The following CCDC62 variants were observed in gnomAD, a reference collection of about 807,000 sequenced individuals.
CCDC62 encodes the protein coiled-coil domain containing 62.
A neutral mutation model predicts 80.8 loss-of-function variants in CCDC62; 72 were observed. The ratio of observed to expected loss-of-function variants is 0.89; its 90% CI spans 0.74 to 1.08. The LOEUF (loss-of-function observed/expected upper bound fraction) is 1.08. CCDC62 is among the 50% of genes least tolerant of loss of function. The pLI is 0.00. For synonymous variants in CCDC62, 286 were observed against 296.5 expected, an observed-to-expected ratio of 0.96 and a Z score of 0.36; for missense variants, 704 against 809.4, an observed-to-expected ratio of 0.87 and a Z score of 1.58.
At chr12:122,799,462 G>T (rs2031162756) in intron 8 of CCDC62, among the ~76,000 whole-genome samples, 1 of 152,176 alleles carries the variant, frequency 6.6e-6, no homozygotes, top group Non-Finnish European at 1.5e-5. Flanking sequence ...TCCACCGAGG[G>T]TGATCTGTGC....
intron 11 of CCDC62, among the ~76,000 whole-genome samples, chr12:122,819,748 T>C (rs2032320613): frequency 6.6e-6 from 1 of 152,086 alleles, no homozygotes; most frequent in African/African-American, 2.4e-5. Context: ...AAGGTTCATA[T>C]GGCATTCCAC....
chr12:122,777,753 A>G lies in CCDC62; in HGVS notation c.229+70A>G. 3.5e-6 allele frequency: 5 copies of G among 1,425,388 alleles called. No homozygotes were observed. In the South Asian group the frequency reaches 4.9e-5, roughly 14 times the overall value. 88.3% of individuals were successfully genotyped at this position (1,425,388 alleles called of 1,614,324 possible). ...TAACACATTGATGGGCTCATAGGGA[A>G]GATAGAGAGGAAGTAAAGACTGCAA... On this transcript the variant is annotated intron_variant, in intron 2 of 12. Coordinates refer to ENST00000253079, the MANE Select transcript of CCDC62 (RefSeq NM_201435.5).
intron 11 of CCDC62, among the ~76,000 whole-genome samples, chr12:122,820,733 C>T (rs1350896994): frequency 1.3e-5 from 2 of 151,362 alleles, no homozygotes; most frequent in Non-Finnish European, 2.9e-5. Flanking sequence ...CCCAGCTACT[C>T]GAGAGGCTGA....
chr12:122,788,739 T>A lies in CCDC62; in HGVS notation c.499-19T>A. ...GAATTTAAGAATCTAGGATAACCAT[T>A]TTCAAATTTGGTTTTTAGGACAAAG... On this transcript the variant is annotated intron_variant, in intron 4 of 12. Transcript: ENST00000253079. The A allele has an allele frequency of 6.7e-7, 1 of 1,483,294 alleles. No homozygotes were observed. Among genetic ancestry groups the A allele is most frequent in the Non-Finnish European group, 9.1e-7 (1 of 1,095,298 alleles). 91.9% of individuals were successfully genotyped at this position (1,483,294 alleles called of 1,614,324 possible).
chr12:122,797,175 G>A (rs1044978941), intron 6 of CCDC62, 132 bp from the exon 7 acceptor site: 3 of 560,744 alleles, frequency 5.4e-6, no homozygotes, highest in Non-Finnish European at 9.8e-6. Context: ...ACTTCGTTCA[G>A]CCCATTCTGC....
At chr12:122,808,343 A>C (rs547302551) in intron 10 of CCDC62, among the ~76,000 whole-genome samples, 2 of 152,102 alleles carry the variant, frequency 1.3e-5, no homozygotes, top group Admixed American at 6.6e-5. Context: ...GCACCAACCT[A>C]TTACCACAGT....
intron 12 of CCDC62, among the ~76,000 whole-genome samples, chr12:122,824,455 C>T (rs1001762516): frequency 6.6e-6 from 1 of 151,880 alleles, no homozygotes; most frequent in Admixed American, 6.6e-5. Flanking sequence ...AGAAAAACCA[C>T]AATGCAGTAC....
In CCDC62 at chr12:122,792,022, G is replaced by A; in HGVS notation, c.673G>A (p.Asp225Asn). ...LKIEVNKLKE[D>N]LNEKTTENNE... The stretch of plus-strand genomic sequence containing the variant: ...TTTCTTTTTCTTCTGTTGTGAAGAG[G>A]ACCTCAATGAAAAGACGACAGAAAA... The change falls in exon 6 of 13, where the codon GAC becomes AAC. Residue 225 changes from aspartate (D) to asparagine (N), a missense_variant and splice_region_variant. By Grantham distance (23) the Asp-to-Asn change is conservative (BLOSUM62 1). Coordinates refer to ENST00000253079, the MANE Select transcript of CCDC62 (RefSeq NM_201435.5). 1 of 1,609,922 alleles carries A rather than the reference G, an allele frequency of 6.2e-7. No individual in the cohort carries two copies. Among genetic ancestry groups the A allele is most frequent in the Non-Finnish European group, 8.5e-7 (1 of 1,176,336 alleles).
chr12:122,803,725 C>T (rs1324378546), intron 9 of CCDC62, among the ~76,000 whole-genome samples: 3 of 152,082 alleles, frequency 2.0e-5, no homozygotes, highest in East Asian at 1.9e-4. Context: ...TCGGTCATCA[C>T]GCTAAATGTC....
chr12:122,793,024 G>A (rs1011656294), intron 6 of CCDC62, among the ~76,000 whole-genome samples: 6 of 152,020 alleles, frequency 3.9e-5, no homozygotes, highest in African/African-American at 1.4e-4. Context: ...TAAACCCCTC[G>A]CAAGTCAAAA....
intron 11 of CCDC62, among the ~76,000 whole-genome samples, chr12:122,815,547 C>T (rs967092027): frequency 3.1e-4 from 47 of 151,380 alleles, no homozygotes; most frequent in African/African-American, 1.1e-3. Context: ...CCCGGGTTCA[C>T]GCCATTCTCC....
At chr12:122,812,819 G>GAAAGAAAGA (rs1566086811) in intron 10 of CCDC62, among the ~76,000 whole-genome samples, 1 of 148,186 alleles carries the variant, frequency 6.7e-6, no homozygotes, top group African/African-American at 2.5e-5. Flanking sequence ...AAGAAAGAAA[G>GAAAGAAAGA]AAAGAAAGAA....
rs777184165 is a variant in CCDC62 at position 122,801,562 on chromosome 12, C to T, written c.1416C>T (p.Asn472=). 42 of 1,614,046 alleles carry T rather than the reference C, an allele frequency of 2.6e-5. No homozygotes were observed. Among genetic ancestry groups the T allele is most frequent in the Non-Finnish European group, 3.4e-5 (40 of 1,180,048 alleles). Reference sequence around the variant, plus strand: ...TCAGTGTTTACCTGGGCCTGACCAACTGTCCAAGTTCAAAACATCCAGAAA... The same window carrying T: ...TCAGTGTTTACCTGGGCCTGACCAATTGTCCAAGTTCAAAACATCCAGAAA... ...HDVSVYLGLT[N]CPSSKHPEKL... is the part of the protein sequence containing the mutation. Residue 472 remains asparagine (N), a synonymous_variant, in exon 9 of 13, where the codon AAC becomes AAT. Coordinates refer to ENST00000253079, the MANE Select transcript of CCDC62 (RefSeq NM_201435.5).
At chr12:122,815,228 G>A (rs1015219263) in intron 11 of CCDC62, among the ~76,000 whole-genome samples, 2 of 151,794 alleles carry the variant, frequency 1.3e-5, no homozygotes, top group African/African-American at 2.4e-5. Context: ...ACACGTACAC[G>A]AAACCACACC....
At chr12:122,818,998 C>T (rs1379682923) in intron 11 of CCDC62, among the ~76,000 whole-genome samples, 1 of 152,124 alleles carries the variant, frequency 6.6e-6, no homozygotes, top group Non-Finnish European at 1.5e-5. Context: ...TTACATTTTA[C>T]AGGAAGGGAA....
intron 7 of CCDC62, among the ~76,000 whole-genome samples, 157 bp downstream of exon 7, chr12:122,797,552 T>C (rs1251700073): frequency 6.6e-6 from 1 of 152,178 alleles, no homozygotes; most frequent in Admixed American, 6.6e-5. Context: ...ATTATTATTA[T>C]TTTTTTGAGA....
chr12:122,788,739 T>C lies in CCDC62; in HGVS notation c.499-19T>C. The C allele has an allele frequency of 6.7e-7, 1 of 1,483,294 alleles. No homozygotes were observed. The highest frequency in any genetic ancestry group is 9.1e-7 in the Non-Finnish European group (1 of 1,095,298). The allele number at this position is 1,483,294 out of a possible 1,614,324, so 91.9% of individuals were successfully genotyped here. The stretch of plus-strand genomic sequence containing the variant: ...GAATTTAAGAATCTAGGATAACCAT[T>C]TTCAAATTTGGTTTTTAGGACAAAG... On this transcript the variant is annotated intron_variant, in intron 4 of 12. Transcript: ENST00000253079.
intron 12 of CCDC62, among the ~76,000 whole-genome samples, chr12:122,823,925 G>T (rs1475436924): frequency 6.6e-6 from 1 of 151,874 alleles, no homozygotes; most frequent in Admixed American, 6.6e-5. Context: ...GGCAGAAGTT[G>T]CAGTGAGCCA....
At chr12:122,779,735 C>T (rs1201891306) in intron 2 of CCDC62, among the ~76,000 whole-genome samples, 1 of 151,732 alleles carries the variant, frequency 6.6e-6, no homozygotes. Flanking sequence ...TGGTGAAACC[C>T]TGTCTCTACT....
Sources: allele counts gnomAD v4.1 joint callset (sites outside exome capture counted in the v4.1 genomes callset), GRCh38; gene constraint gnomAD v4.1.1; transcripts MANE v1.5; gene names NCBI Gene and HGNC (gene_info 2026-07-23, HGNC 2026-07-21).